LIMCH1: variants seen among roughly 807,000 people sequenced by gnomAD.
The protein encoded by LIMCH1 is LIM and calponin homology domains 1, also known as LIM and calponin homology domains-containing protein 1.
A neutral mutation model predicts 176.5 loss-of-function variants in LIMCH1; 113 were observed. That is an observed-to-expected ratio of 0.64 (90% CI 0.55 to 0.75). The LOEUF (loss-of-function observed/expected upper bound fraction) is 0.75. Among genes scored for constraint, LIMCH1 ranks in the 30% least tolerant of loss-of-function variants. The pLI is 0.00. For synonymous variants in LIMCH1, 619 were observed against 645.9 expected (o/e 0.96, Z 0.63); for missense variants, 1,674 against 1,814.9 (o/e 0.92, Z 1.41).
rs928186470 is a variant in LIMCH1 at position 41,670,891 on chromosome 4, GA to G, written c.3398-657del. 1.1e-5 allele frequency: 17 copies of G among 1,482,470 alleles called. No homozygotes were observed. In the African/African-American group the frequency reaches 1.3e-4, roughly 11 times the overall value. The allele number at this position is 1,482,470 out of a possible 1,614,324, so 91.8% of individuals were successfully genotyped here. On this transcript the variant is annotated intron_variant, in intron 21 of 31. Coordinates refer to ENST00000503057, the MANE Select transcript of LIMCH1 (RefSeq NM_001330672.2). Reference sequence around the variant, plus strand: ...CTTGTCTTCATTTCTGATTTCTGGGGAAAAAATTATTTCTTATGCACAGTTA... The same window carrying G: ...CTTGTCTTCATTTCTGATTTCTGGGGAAAAATTATTTCTTATGCACAGTTA...
intron 2 of LIMCH1, among the ~76,000 whole-genome samples, chr4:41,497,918 G>C (rs1424504261): frequency 2.6e-5 from 4 of 152,194 alleles, no homozygotes; most frequent in Non-Finnish European, 5.9e-5. Context: ...AGATTGGCAG[G>C]TGGAGAGAGG....
intron 2 of LIMCH1, among the ~76,000 whole-genome samples, chr4:41,513,644 G>A (rs965638346): frequency 3.3e-5 from 5 of 152,162 alleles, no homozygotes; most frequent in African/African-American, 1.2e-4. Context: ...AAGCCTGTCC[G>A]ATGATCCTTT....
chr4:41,624,772 C>A (rs951090909), intron 7 of LIMCH1, among the ~76,000 whole-genome samples: 18 of 152,058 alleles, frequency 1.2e-4, no homozygotes, highest in Non-Finnish European at 2.5e-4. Context: ...ACCAGCTCTT[C>A]CTTAGCTTAA....
At position 41,650,493 on chromosome 4, in the gene LIMCH1, C is replaced by A; in HGVS notation, c.2921C>A (p.Ser974Tyr). ...TVAPAHSLTKSQMFEGVARVH... is the reference protein window; with the variant it reads ...TVAPAHSLTKYQMFEGVARVH... Reference sequence around the variant, plus strand: ...GCACCTGCCCACTCCTTAACCAAATCCCAGATGTTTGAAGGTGTGGCCAGA... The same window carrying A: ...GCACCTGCCCACTCCTTAACCAAATACCAGATGTTTGAAGGTGTGGCCAGA... Residue 974 changes from serine to tyrosine, a missense_variant, in exon 18 of 32, where the codon TCC becomes TAC. Transcript: ENST00000503057. 1.2e-6 allele frequency: 2 copies of A among 1,614,030 alleles called. No homozygotes were observed. Among genetic ancestry groups the A allele is most frequent in the Non-Finnish European group, 8.5e-7 (1 of 1,179,976 alleles).
intron 2 of LIMCH1, among the ~76,000 whole-genome samples, chr4:41,521,123 G>T (rs188160172): frequency 2.0e-5 from 3 of 152,030 alleles, no homozygotes; most frequent in Non-Finnish European, 4.4e-5. Context: ...TATTTAGGTC[G>T]TATTTGTTTG....
At chr4:41,486,369 A>T (rs1258492965) in intron 1 of LIMCH1, among the ~76,000 whole-genome samples, 2 of 152,178 alleles carry the variant, frequency 1.3e-5, no homozygotes, top group Non-Finnish European at 2.9e-5. Flanking sequence ...GTGGCACAGT[A>T]ATAAGGGAAG....
In LIMCH1 at chr4:41,692,312, G is replaced by A; in HGVS notation, c.4306G>A (p.Ala1436Thr). 2 of 1,613,124 alleles carry A rather than the reference G, an allele frequency of 1.2e-6. No homozygotes were observed. The highest frequency in any genetic ancestry group is 1.7e-6 in the Non-Finnish European group (2 of 1,179,160). The change falls in exon 31 of 32, where the codon GCA (alanine) becomes ACA (threonine). Residue 1436 changes from alanine (A) to threonine (T), a missense_variant. This residue lies in a region of LIMCH1 where 1,015 missense variants were observed against 1,102.5 expected (regional missense o/e 0.92). Coordinates refer to ENST00000503057, the MANE Select transcript of LIMCH1 (RefSeq NM_001330672.2). ...CGICKGQLGD[A>T]VSGTDVRIRN... ...AATTTGTAAAGGCCAGCTTGGAGAT[G>A]CAGTGAGTGGGACGGATGTTAGGAT...
intron 1 of LIMCH1, among the ~76,000 whole-genome samples, chr4:41,462,919 A>G (rs2065584986): frequency 2.0e-5 from 3 of 152,066 alleles, no homozygotes; most frequent in Non-Finnish European, 2.9e-5. Flanking sequence ...CCATCTTTAC[A>G]TGAAATCAGC....
chr4:41,623,348 G>A (rs2092715440), intron 7 of LIMCH1, among the ~76,000 whole-genome samples: 1 of 152,194 alleles, frequency 6.6e-6, no homozygotes, highest in Non-Finnish European at 1.5e-5. Flanking sequence ...GCTGGGAAAT[G>A]TTTGCAGAGA....
rs186002506 is a variant in LIMCH1 at position 41,493,517 on chromosome 4, T to C, written c.97-1019T>C. ...TAAACAATACAGTGTAACAACTGTT[T>C]ATATAGCATTTATATTATATTATGC... On this transcript the variant is annotated intron_variant, in intron 1 of 26. Transcript: ENST00000313860. Among the ~76,000 whole-genome samples, 204 of 152,316 alleles carry C rather than the reference T, an allele frequency of 1.3e-3. 2 individuals are homozygous for C. Among genetic ancestry groups the C allele is most frequent in the Admixed American group, 5.0e-3 (76 of 15,296 alleles).
intron 14 of LIMCH1, among the ~76,000 whole-genome samples, chr4:41,639,174 T>A (rs1267446356): frequency 6.6e-6 from 1 of 152,220 alleles, no homozygotes; most frequent in Non-Finnish European, 1.5e-5. Flanking sequence ...GATTCTAATA[T>A]GAAGCTGCTG....
intron 1 of LIMCH1, among the ~76,000 whole-genome samples, chr4:41,486,947 G>GAT (rs991031026): frequency 1.5e-4 from 20 of 135,492 alleles, no homozygotes; most frequent in East Asian, 4.2e-4. Context: ...ACGCCCAGCT[G>GAT]ATATATATAT....
intron 1 of LIMCH1, among the ~76,000 whole-genome samples, chr4:41,361,708 G>A (rs961156890): frequency 6.6e-6 from 1 of 152,200 alleles, no homozygotes; most frequent in Non-Finnish European, 1.5e-5. Flanking sequence ...TCCCGGAAGC[G>A]CTCACTGGGT....
intron 31 of LIMCH1, chr4:41,693,179 T>G (rs1469290748): frequency 6.6e-6 from 1 of 152,214 alleles, no homozygotes; most frequent in East Asian, 1.9e-4. Context: ...GCAGAAGACC[T>G]TTTAGTGCAG....
chr4:41,393,681 A>G (rs1459576728), intron 1 of LIMCH1, among the ~76,000 whole-genome samples: 1 of 152,222 alleles, frequency 6.6e-6, no homozygotes, highest in African/African-American at 2.4e-5. Flanking sequence ...TATAACAAAT[A>G]CCATGGCTTT....
intron 17 of LIMCH1, 103 bp from the exon 18 acceptor site, chr4:41,650,290 T>A: frequency 2.5e-6 from 2 of 799,860 alleles, no homozygotes; most frequent in Non-Finnish European, 4.1e-6. Flanking sequence ...GGACTCTGGT[T>A]ATTAAATGAT....
chr4:41,528,084 T>C (rs2076870747), intron 3 of LIMCH1, among the ~76,000 whole-genome samples: 1 of 152,162 alleles, frequency 6.6e-6, no homozygotes, highest in Non-Finnish European at 1.5e-5. Context: ...ACTATTGATC[T>C]TAGATGGCAA....
chr4:41,671,557 A>T lies in LIMCH1; in HGVS notation c.3401A>T (p.Asp1134Val), dbSNP rs1186890032. ...LHLPNLNSQV[D>V]SPSSEKSPVM... is the part of the protein sequence containing the mutation. ...TCTTTCTTTTTTTTCTGTGCAGTGGATTCTCCAAGCAGTGAGAAGTCACCT... is the reference window on the plus strand; with the variant it reads ...TCTTTCTTTTTTTTCTGTGCAGTGGTTTCTCCAAGCAGTGAGAAGTCACCT... The change falls in exon 22 of 32, where the codon GAT becomes GTT. Residue 1134 changes from aspartate to valine, a missense_variant. By Grantham distance (152) the Asp-to-Val change is radical. Coordinates refer to ENST00000503057, the MANE Select transcript of LIMCH1 (RefSeq NM_001330672.2). The T allele has an allele frequency of 6.2e-7, 1 of 1,605,202 alleles. No individual in the cohort carries two copies. The highest frequency in any genetic ancestry group is 1.3e-5 in the African/African-American group (1 of 74,758).
intron 4 of LIMCH1, among the ~76,000 whole-genome samples, chr4:41,610,447 G>A (rs1323205373): frequency 6.6e-6 from 1 of 152,150 alleles, no homozygotes; most frequent in Non-Finnish European, 1.5e-5. Context: ...GGAGTGTCAG[G>A]ATGTGTAGAA....
Sources: gnomAD v4.1 joint callset for allele counts (sites outside exome capture counted in the v4.1 genomes callset) on GRCh38, gnomAD v4.1.1 for gene constraint, gnomAD v4.1.1 regional missense constraint, MANE v1.5 for transcripts, NCBI Gene and HGNC (gene_info 2026-07-23, HGNC 2026-07-21) for gene names.